The following TRAPPC12 variants were observed in gnomAD, a reference collection of about 807,000 sequenced individuals.
TRAPPC12 encodes the protein trafficking protein particle complex subunit 12.
TRAPPC12 carries 61 observed loss-of-function variants against 69.2 expected under a neutral mutation model. The ratio of observed to expected loss-of-function variants is 0.88; its 90% CI spans 0.72 to 1.09. The LOEUF is 1.09. Among genes scored for constraint, TRAPPC12 ranks in the 50% least tolerant of loss-of-function variants. The pLI is 0.00. For missense variants in TRAPPC12, 1,101 were observed against 1,016.4 expected (o/e 1.08, Z -1.13); for synonymous variants, 469 against 438.9 (o/e 1.07, Z -0.86).
At chr2:3,435,050 T>C (rs1357351461) in intron 5 of TRAPPC12, among the ~76,000 whole-genome samples, 1 of 152,258 alleles carries the variant, frequency 6.6e-6, no homozygotes, top group African/African-American at 2.4e-5. Flanking sequence ...TCTCGCTCCG[T>C]CGCCCAGGCT....
chr2:3,457,070 G>A (rs1242947813), intron 6 of TRAPPC12: 11 of 462,796 alleles, frequency 2.4e-5, no homozygotes, highest in Middle Eastern at 6.9e-4. Flanking sequence ...GTGGGCGAAC[G>A]GGATAAGGAA....
intron 5 of TRAPPC12, among the ~76,000 whole-genome samples, chr2:3,440,133 C>T (rs1440821910): frequency 1.3e-5 from 2 of 152,112 alleles, no homozygotes; most frequent in Non-Finnish European, 2.9e-5. Flanking sequence ...GTAGTGTCAG[C>T]CTGCCAGATT....
intron 3 of TRAPPC12, among the ~76,000 whole-genome samples, chr2:3,411,107 A>G (rs13404141): frequency 0.13 from 19,838 of 152,268 alleles, 1,409 homozygotes; most frequent in Middle Eastern, 0.28. Flanking sequence ...ACATCAGGAG[A>G]TTCCATATCT....
Position 3,460,288 on chromosome 2 carries a change from T to C in TRAPPC12, c.1629T>C (p.Arg543=), listed in dbSNP as rs758020910. The C allele has an allele frequency of 1.1e-6, 1 of 874,734 alleles. No homozygotes were observed. Among genetic ancestry groups the C allele is most frequent in the South Asian group, 1.3e-5 (1 of 76,562 alleles). 54.2% of individuals were successfully genotyped at this position (874,734 alleles called of 1,614,324 possible). ...CCTCTATCCGGCTGTGGAGGTCACG[T>C]CTGGGCCGGGTGATGTACTCCATGG... ...RQASIRLWRS[R]LGRVMYSMAN... is the part of the protein sequence containing the mutation. Residue 543 remains arginine, a synonymous_variant, in exon 8 of 12, where the codon CGT becomes CGC. Coordinates refer to ENST00000324266, the MANE Select transcript of TRAPPC12 (RefSeq NM_016030.6).
chr2:3,448,519 A>G (rs1335527477), intron 6 of TRAPPC12, among the ~76,000 whole-genome samples: 4 of 152,054 alleles, frequency 2.6e-5, no homozygotes, highest in African/African-American at 4.8e-5. Context: ...AAAAGAAATG[A>G]GTCCAGAATG....
chr2:3,412,345 G>A (rs188575707), intron 3 of TRAPPC12, among the ~76,000 whole-genome samples: 11 of 152,234 alleles, frequency 7.2e-5, no homozygotes, highest in African/African-American at 2.6e-4. Context: ...TGGATCACCT[G>A]AGGTCAGGAG....
In TRAPPC12 at chr2:3,443,894, A is replaced by G; in HGVS notation, c.1530+3A>G. On this transcript the variant is annotated splice_donor_region_variant and intron_variant, in intron 6 of 11. Coordinates refer to ENST00000324266, the MANE Select transcript of TRAPPC12 (RefSeq NM_016030.6). ...AGGTGAAGACTGTCTGCAGCAAGGT[A>G]GGTGGCGCTGTCATTCTTCCCTGCC... 1 of 1,611,056 alleles carries G rather than the reference A, an allele frequency of 6.2e-7. No individual in the cohort carries two copies.
At chr2:3,458,018 C>T (rs1228150420) in intron 7 of TRAPPC12, 1 of 1,167,348 alleles carries the variant, frequency 8.6e-7, no homozygotes, top group East Asian at 4.6e-5. Context: ...CGAAGGGGCC[C>T]AGAGGGGCCT....
At chr2:3,442,544 G>C (rs1664280710) in intron 5 of TRAPPC12, among the ~76,000 whole-genome samples, 1 of 152,200 alleles carries the variant, frequency 6.6e-6, no homozygotes, top group Non-Finnish European at 1.5e-5. Flanking sequence ...ATATTCTCTT[G>C]AGATACAGAA....
intron 1 of TRAPPC12, 116 bp from the exon 2 acceptor site, chr2:3,387,504 A>G (rs567477518): frequency 9.2e-6 from 8 of 873,282 alleles, no homozygotes; most frequent in Non-Finnish European, 1.4e-5. Context: ...AAGCACATGG[A>G]TAAGAAGCTG....
intron 9 of TRAPPC12, among the ~76,000 whole-genome samples, chr2:3,469,625 C>A (rs971101196): frequency 6.6e-6 from 1 of 152,206 alleles, no homozygotes; most frequent in African/African-American, 2.4e-5. Flanking sequence ...AGAGTCTTGT[C>A]CCCACCCTGC....
chr2:3,393,052 A>G (rs761077126), intron 2 of TRAPPC12, among the ~76,000 whole-genome samples: 15 of 152,188 alleles, frequency 9.9e-5, no homozygotes, highest in Admixed American at 2.0e-4. Flanking sequence ...CAAAGCTGCA[A>G]TGAGCTATGA....
At chr2:3,392,724 C>T (rs923092123) in intron 2 of TRAPPC12, among the ~76,000 whole-genome samples, 16 of 152,150 alleles carry the variant, frequency 1.1e-4, no homozygotes, top group Admixed American at 1.0e-3. Flanking sequence ...GACCCTTGTG[C>T]ACTGTTGGTG....
intron 3 of TRAPPC12, among the ~76,000 whole-genome samples, chr2:3,419,174 A>C (rs1662625864): frequency 6.6e-6 from 1 of 152,198 alleles, no homozygotes; most frequent in African/African-American, 2.4e-5. Context: ...AGAGGGCCCC[A>C]GCCTTTCTAG....
intron 5 of TRAPPC12, among the ~76,000 whole-genome samples, chr2:3,426,980 C>T (rs1023170380): frequency 3.9e-5 from 6 of 152,178 alleles, no homozygotes; most frequent in African/African-American, 1.4e-4. Flanking sequence ...GTCATCCTTT[C>T]CGTGTAAGAC....
chr2:3,403,230 A>ATT (rs35354979), intron 3 of TRAPPC12, among the ~76,000 whole-genome samples: 15,112 of 119,140 alleles, frequency 0.13, 1,317 homozygotes, highest in Middle Eastern at 0.28. Context: ...GATTTCACCA[A>ATT]TTTTTTTTTT....
intron 9 of TRAPPC12, chr2:3,467,395 G>A (rs1378890104): frequency 6.6e-6 from 1 of 152,238 alleles, no homozygotes; most frequent in Admixed American, 6.5e-5. Flanking sequence ...TACTGTTGCT[G>A]AAGAGCAAGG....
In TRAPPC12 at chr2:3,479,548, A is replaced by G. The variant is rs1666457659; in HGVS notation, c.*87A>G. 1 of 1,510,166 alleles carries G rather than the reference A, an allele frequency of 6.6e-7. No individual in the cohort carries two copies. Among genetic ancestry groups the G allele is most frequent in the Non-Finnish European group, 9.0e-7 (1 of 1,112,430 alleles). The allele number at this position is 1,510,166 out of a possible 1,614,324, so 93.5% of individuals were successfully genotyped here. On this transcript the variant is annotated 3_prime_UTR_variant, in exon 12 of 12. Transcript: ENST00000324266. ...GTATTAATGTGACATGGAGGAACTC[A>G]ATAAAACTCCTGCTTCACTGGTGTC...
intron 9 of TRAPPC12, among the ~76,000 whole-genome samples, chr2:3,476,982 C>G (rs903601660): frequency 1.3e-5 from 2 of 152,198 alleles, no homozygotes; most frequent in African/African-American, 4.8e-5. Context: ...GTATCTATTT[C>G]TTATTGTAAG....
Sources: allele counts gnomAD v4.1 joint callset (sites outside exome capture counted in the v4.1 genomes callset), GRCh38; gene constraint gnomAD v4.1.1; transcripts MANE v1.5; gene names NCBI Gene and HGNC (gene_info 2026-07-23, HGNC 2026-07-21).